Variants in SETD7 observed in about 807,000 individuals in gnomAD.
SETD7 encodes SET domain containing 7, histone lysine methyltransferase.
In SETD7, 16 loss-of-function variants were observed where a neutral mutation model predicts 41.8. That is an observed-to-expected ratio of 0.38 (90% CI 0.26 to 0.58). The LOEUF is 0.58. SETD7 is among the 20% of genes least tolerant of loss of function. SETD7 has a pLI of 0.64. For synonymous variants in SETD7, 163 were observed against 169.7 expected, an observed-to-expected ratio of 0.96 and a Z score of 0.31; for missense variants, 346 against 459.7, an observed-to-expected ratio of 0.75 and a Z score of 2.26.
chr4:139,519,792 A>T (rs184318411), intron 6 of SETD7, among the ~76,000 whole-genome samples: 1 of 152,366 alleles, frequency 6.6e-6, no homozygotes, highest in East Asian at 1.9e-4. Context: ...CAGAAAACAT[A>T]TATGAAGCCT....
chr4:139,537,962 TAA>T (rs1264543543), intron 2 of SETD7, among the ~76,000 whole-genome samples: 3 of 152,172 alleles, frequency 2.0e-5, no homozygotes, highest in Non-Finnish European at 4.4e-5. Context: ...AGTGATTGCT[TAA>T]ATAAAGAGCA....
In SETD7 at chr4:139,517,886, T is replaced by C. The variant is rs765989296; in HGVS notation, c.919A>G (p.Met307Val). 3.1e-6 allele frequency: 5 copies of C among 1,612,816 alleles called. No homozygotes were observed. Among genetic ancestry groups the C allele is most frequent in the Non-Finnish European group, 3.4e-6 (4 of 1,179,364 alleles). Reference protein sequence around the residue: ...HSFTPNCIYDMFVHPRFGPIK... With the variant: ...HSFTPNCIYDVFVHPRFGPIK... Reference sequence around the variant, plus strand: ...CCAGCAGCTCTGGGTAATACTTACATATCGTAGATGCAGTTTGGAGTGAAG... The same window carrying C: ...CCAGCAGCTCTGGGTAATACTTACACATCGTAGATGCAGTTTGGAGTGAAG... The change falls in exon 7 of 8, where the codon ATG becomes GTG. Residue 307 changes from methionine to valine, a missense_variant and splice_region_variant. Met to Val is a conservative substitution (Grantham distance 21). Coordinates refer to ENST00000274031, the MANE Select transcript of SETD7 (RefSeq NM_030648.4).
chr4:139,543,817 A>G (rs1727846702), intron 2 of SETD7, among the ~76,000 whole-genome samples: 2 of 149,104 alleles, frequency 1.3e-5, no homozygotes, highest in Admixed American at 6.6e-5. Flanking sequence ...AAAAAAAATT[A>G]GCCGGGCGTG....
rs78417083 is a variant in SETD7 at position 139,538,996 on chromosome 4, T to C, written c.171-5630A>G. Reference sequence around the variant, plus strand: ...CTTACAAAGAAATGGATAAATTTTATAGTTGTTTTCCTAGACTTACATATC... The same window carrying C: ...CTTACAAAGAAATGGATAAATTTTACAGTTGTTTTCCTAGACTTACATATC... On this transcript the variant is annotated intron_variant, in intron 2 of 7. Coordinates refer to ENST00000274031, the MANE Select transcript of SETD7 (RefSeq NM_030648.4). Among the ~76,000 whole-genome samples, 658 of 152,350 alleles carry C rather than the reference T, an allele frequency of 4.3e-3. 1 individual carries two copies. The highest frequency in any genetic ancestry group is 0.015 in the African/African-American group (610 of 41,578).
downstream of SETD7, chr4:139,505,934 A>G (rs1339248888): frequency 1.3e-5 from 2 of 152,674 alleles, no homozygotes; most frequent in East Asian, 3.8e-4. Flanking sequence ...AAAACAACTT[A>G]AAATGTAAAG....
chr4:139,554,452 A>C (rs1422847935), intron 1 of SETD7, among the ~76,000 whole-genome samples: 1 of 152,260 alleles, frequency 6.6e-6, no homozygotes, highest in Non-Finnish European at 1.5e-5. Flanking sequence ...AGTAAAAGTA[A>C]ACGTTGAAGA....
intron 2 of SETD7, among the ~76,000 whole-genome samples, chr4:139,539,203 C>T (rs1042055843): frequency 8.5e-5 from 13 of 152,216 alleles, no homozygotes; most frequent in African/African-American, 3.1e-4. Context: ...TGTTCCCTTC[C>T]TTTTGTCAGC....
chr4:139,516,199 C>T (rs934415038), intron 7 of SETD7, among the ~76,000 whole-genome samples: 3 of 152,170 alleles, frequency 2.0e-5, no homozygotes, highest in African/African-American at 7.2e-5. Flanking sequence ...GGGGCGGTGG[C>T]TCACACCTGT....
Position 139,529,025 on chromosome 4 carries a change from A to G in SETD7, c.562+6T>C, listed in dbSNP as rs775677957. On this transcript the variant is annotated splice_donor_region_variant and intron_variant, in intron 4 of 7. Coordinates refer to ENST00000274031, the MANE Select transcript of SETD7 (RefSeq NM_030648.4). The stretch of plus-strand genomic sequence containing the variant: ...GAGCAACCCATCTGAAGCAGATTCA[A>G]CTTACTTCCAGGCATCAGTTCAAAG... 1.2e-6 allele frequency: 2 copies of G among 1,612,970 alleles called. No homozygotes were observed. The highest frequency in any genetic ancestry group is 4.5e-5 in the East Asian group (2 of 44,876).
At chr4:139,493,573 C>T (rs572382257), downstream of SETD7, among the ~76,000 whole-genome samples, 5 of 150,530 alleles carry the variant, frequency 3.3e-5, no homozygotes, top group South Asian at 1.0e-3. Flanking sequence ...GGGTCTCACT[C>T]TGTTGCCTAA....
chr4:139,513,156 A>C (rs1259916477), intron 7 of SETD7, among the ~76,000 whole-genome samples: 2 of 151,400 alleles, frequency 1.3e-5, no homozygotes, highest in Admixed American at 1.3e-4. Flanking sequence ...ATGGTGGCTC[A>C]CCTCTGTAAT....
intron 1 of SETD7, among the ~76,000 whole-genome samples, chr4:139,548,672 T>C (rs1728028821): frequency 1.3e-5 from 2 of 152,240 alleles, no homozygotes; most frequent in South Asian, 4.1e-4. Context: ...TCTTTATTTG[T>C]ATCATTAATT....
rs1579199370 is a variant in SETD7 at position 139,509,239 on chromosome 4, G to A, written c.*2424C>T. On this transcript the variant is annotated 3_prime_UTR_variant, in exon 8 of 8. Coordinates refer to ENST00000274031, the MANE Select transcript of SETD7 (RefSeq NM_030648.4). ...AAAGAAGAGCTGGAAGACACAGAGA[G>A]TATGAAGAGAGTTGGGAGGAAGACA... 1 of 152,434 alleles carries A rather than the reference G, an allele frequency of 6.6e-6. No individual in the cohort carries two copies. The highest frequency in any genetic ancestry group is 1.5e-5 in the Non-Finnish European group (1 of 68,238). The allele number at this position is 152,434 out of a possible 1,614,324, so 9.4% of individuals were successfully genotyped here.
chr4:139,554,874 A>G (rs1168223450), intron 1 of SETD7, among the ~76,000 whole-genome samples: 2 of 152,322 alleles, frequency 1.3e-5, no homozygotes, highest in African/African-American at 2.4e-5. Context: ...AACAATAACC[A>G]TGTATCCTTA....
Position 139,517,838 on chromosome 4 carries a change from G to A in SETD7, c.920+47C>T, listed in dbSNP as rs777730241. 8 of 1,566,736 alleles carry A rather than the reference G, an allele frequency of 5.1e-6. No homozygotes were observed. The South Asian group carries it at 9.4e-5, about 18-fold the overall frequency. On this transcript the variant is annotated intron_variant, in intron 7 of 7. Coordinates refer to ENST00000274031, the MANE Select transcript of SETD7 (RefSeq NM_030648.4). ...CTTTTTACTGCCCTCCTCCGTCTCA[G>A]GGCCCTGAGGCATAGATCCGCCCCA...
In SETD7 at chr4:139,506,086, T is replaced by C. The variant is rs1726694227; in HGVS notation, c.*5577A>G. ...TTGCATTGTTTCTATAGCGCAATTA[T>C]AGCAATCTTTAAATTTACTTTCATT... is the stretch of plus-strand genomic sequence containing the variant. On this transcript the variant is annotated 3_prime_UTR_variant, in exon 8 of 8. Coordinates refer to ENST00000274031, the MANE Select transcript of SETD7 (RefSeq NM_030648.4). The C allele has an allele frequency of 6.6e-6, 1 of 152,662 alleles. No individual in the cohort carries two copies. Among genetic ancestry groups the C allele is most frequent in the Admixed American group, 6.5e-5 (1 of 15,286 alleles). 9.5% of individuals were successfully genotyped at this position (152,662 alleles called of 1,614,324 possible). A position where few individuals can be genotyped will look rare whatever the true frequency, so the allele number is the denominator to read the frequency against.
intron 4 of SETD7, among the ~76,000 whole-genome samples, chr4:139,528,330 T>C (rs1727389491): frequency 6.6e-6 from 1 of 152,270 alleles, no homozygotes. Context: ...TATGCATTTA[T>C]ATTTTCCAGT....
chr4:139,530,556 A>G (rs1012783082), intron 3 of SETD7, among the ~76,000 whole-genome samples: 5 of 152,172 alleles, frequency 3.3e-5, no homozygotes, highest in Admixed American at 2.0e-4. Context: ...TTCCTGCAAG[A>G]TCTGCTTTCA....
chr4:139,544,406 C>G (rs929980563), intron 2 of SETD7, among the ~76,000 whole-genome samples: 1 of 152,108 alleles, frequency 6.6e-6, no homozygotes, highest in Non-Finnish European at 1.5e-5. Flanking sequence ...TAGATAGTTA[C>G]TGGGCTAGTG....
Sources: gnomAD v4.1 joint callset for allele counts (sites outside exome capture counted in the v4.1 genomes callset) on GRCh38, gnomAD v4.1.1 for gene constraint, MANE v1.5 for transcripts, NCBI Gene and HGNC (gene_info 2026-07-23, HGNC 2026-07-21) for gene names.